Variants in SGIP1 observed in about 807,000 individuals in gnomAD.
The protein encoded by SGIP1 is SH3-containing GRB2-like protein 3-interacting protein 1.
SGIP1 carries 38 observed loss-of-function variants against 107.5 expected under a neutral mutation model. The observed-to-expected ratio is 0.35, with a 90% confidence interval of 0.27 to 0.46. The LOEUF (loss-of-function observed/expected upper bound fraction) is 0.46, where lower values mean the gene tolerates loss of function less well. Ranked by LOEUF, SGIP1 falls within the 20% of genes least tolerant of loss-of-function variation. The pLI, the probability that SGIP1 is intolerant of heterozygous loss-of-function variation, is 1.00. For synonymous variants in SGIP1, 365 were observed against 366.1 expected (o/e 1.00, Z 0.03); for missense variants, 929 against 1,019.5 (o/e 0.91, Z 1.21).
chr1:66,630,347 T>C (rs2073994326), intron 2 of SGIP1, among the ~76,000 whole-genome samples: 1 of 152,116 alleles, frequency 6.6e-6, no homozygotes, highest in African/African-American at 2.4e-5. Flanking sequence ...TTTCTTGCTG[T>C]TCCCAAAGGC....
chr1:66,618,063 T>A (rs1433778951), intron 1 of SGIP1, among the ~76,000 whole-genome samples: 1 of 152,218 alleles, frequency 6.6e-6, no homozygotes. Flanking sequence ...TAAATTGTGT[T>A]GAACTAAGAT....
chr1:66,568,300 A>G (rs2059927511), intron 1 of SGIP1, among the ~76,000 whole-genome samples: 1 of 151,804 alleles, frequency 6.6e-6, no homozygotes, highest in South Asian at 2.1e-4. Context: ...TTTGGCTCTC[A>G]GCTTTTCTAT....
intron 15 of SGIP1, among the ~76,000 whole-genome samples, chr1:66,683,735 G>A (rs145843286): frequency 3.0e-3 from 188 of 63,504 alleles, no homozygotes; most frequent in Middle Eastern, 0.018. Flanking sequence ...TTTTGACAAG[G>A]TCTTGCTCTG....
chr1:66,682,481 C>T (rs2086973251), intron 15 of SGIP1, 112 bp downstream of exon 15: 2 of 1,315,304 alleles, frequency 1.5e-6, no homozygotes, highest in Non-Finnish European at 1.0e-6. Context: ...TCAGCCCTCA[C>T]TCCTCTAGTC....
Position 66,743,268 on chromosome 1 carries a change from G to A in SGIP1, c.*173G>A. ...CCCTCACACACTACCATGATGACCAGTCCTACAGTATTTACTTCTAGGTGT... is the reference window on the plus strand; with the variant it reads ...CCCTCACACACTACCATGATGACCAATCCTACAGTATTTACTTCTAGGTGT... On this transcript the variant is annotated 3_prime_UTR_variant, in exon 25 of 25. Transcript: ENST00000371037. 1 of 570,100 alleles carries A rather than the reference G, an allele frequency of 1.8e-6. No homozygotes were observed. Among genetic ancestry groups the A allele is most frequent in the Non-Finnish European group, 3.1e-6 (1 of 322,348 alleles). The allele number at this position is 570,100 out of a possible 1,614,324, so 35.3% of individuals were successfully genotyped here.
At chr1:66,570,195 T>C (rs1458300435) in intron 1 of SGIP1, among the ~76,000 whole-genome samples, 1 of 151,912 alleles carries the variant, frequency 6.6e-6, no homozygotes. Context: ...TCTATTATTA[T>C]TTTTAATAGT....
intron 1 of SGIP1, among the ~76,000 whole-genome samples, chr1:66,597,788 G>A (rs748212915): frequency 6.6e-6 from 1 of 152,062 alleles, no homozygotes; most frequent in Non-Finnish European, 1.5e-5. Context: ...AAGTAAAAAG[G>A]ATTTTACGCA....
chr1:66,723,079 A>T (rs953972437), intron 19 of SGIP1, among the ~76,000 whole-genome samples: 12 of 152,150 alleles, frequency 7.9e-5, no homozygotes, highest in African/African-American at 2.9e-4. Context: ...ATGAAATGAC[A>T]CTCATATATT....
At chr1:66,618,010 C>T (rs1229825428) in intron 1 of SGIP1, among the ~76,000 whole-genome samples, 1 of 151,440 alleles carries the variant, frequency 6.6e-6, no homozygotes, top group Non-Finnish European at 1.5e-5. Flanking sequence ...AGGTGCTTCT[C>T]ATGCGCCATG....
intron 1 of SGIP1, among the ~76,000 whole-genome samples, chr1:66,591,957 C>A (rs183992228): frequency 7.1e-4 from 108 of 152,314 alleles, no homozygotes; most frequent in African/African-American, 2.4e-3. Context: ...TTGCCACCAG[C>A]ATGTCTCACC....
At chr1:66,655,510 ATTG>A (rs747417690) in intron 7 of SGIP1, among the ~76,000 whole-genome samples, 1 of 152,198 alleles carries the variant, frequency 6.6e-6, no homozygotes, top group African/African-American at 2.4e-5. Context: ...GTGTTGCTTA[ATTG>A]TTGTTAGGCA....
chr1:66,600,890 C>T (rs1284972926), intron 1 of SGIP1, among the ~76,000 whole-genome samples: 3 of 152,166 alleles, frequency 2.0e-5, no homozygotes, highest in African/African-American at 7.2e-5. Context: ...CAGGAAGGAT[C>T]TCTTGGGATG....
intron 1 of SGIP1, among the ~76,000 whole-genome samples, chr1:66,585,570 T>TTGTGTG (rs113981156): frequency 0.13 from 19,145 of 149,994 alleles, 1,693 homozygotes; most frequent in East Asian, 0.4. Flanking sequence ...GCTTTGGAGT[T>TTGTGTG]TGTGTGTGTG....
intron 19 of SGIP1, among the ~76,000 whole-genome samples, chr1:66,724,449 T>C (rs973828723): frequency 1.3e-5 from 2 of 152,238 alleles, no homozygotes; most frequent in East Asian, 1.9e-4. Context: ...AATTTTTATA[T>C]AGAAAATTTC....
chr1:66,653,308 T>G (rs1411694115), intron 7 of SGIP1, among the ~76,000 whole-genome samples: 1 of 152,078 alleles, frequency 6.6e-6, no homozygotes, highest in Non-Finnish European at 1.5e-5. Flanking sequence ...CATTACTGAT[T>G]TTTTTTTCCC....
chr1:66,709,052 G>A (rs369864679), intron 18 of SGIP1, among the ~76,000 whole-genome samples: 8 of 150,416 alleles, frequency 5.3e-5, no homozygotes, highest in Admixed American at 6.6e-5. Flanking sequence ...GGATACATGC[G>A]CAGAGTTCTG....
rs185613729 is a variant in SGIP1, at chr1:66,663,141, G to T, written c.471+2617G>T. 5.3e-5 allele frequency among the ~76,000 whole-genome samples: 8 copies of T among 152,062 alleles called. No homozygotes were observed. The South Asian group carries it at 8.3e-4, about 16-fold the overall frequency. On this transcript the variant is annotated intron_variant, in intron 8 of 24. Coordinates refer to ENST00000371037, the MANE Select transcript of SGIP1 (RefSeq NM_032291.4). ...GACTAAGCCCACATTCTCACGTGGC[G>T]CACATGGGGTGCACTGAACAGTGGC...
chr1:66,604,007 A>G (rs1158061941), intron 1 of SGIP1, among the ~76,000 whole-genome samples: 1 of 152,170 alleles, frequency 6.6e-6, no homozygotes, highest in Non-Finnish European at 1.5e-5. Flanking sequence ...AATTGATCAG[A>G]GAATAACAAC....
intron 9 of SGIP1, among the ~76,000 whole-genome samples, chr1:66,669,375 C>A (rs993562224): frequency 1.3e-5 from 2 of 152,174 alleles, no homozygotes; most frequent in African/African-American, 4.8e-5. Context: ...GTCTTCAATA[C>A]AACCTCTGGG....
Sources: gnomAD v4.1 joint callset for allele counts (sites outside exome capture counted in the v4.1 genomes callset) on GRCh38, gnomAD v4.1.1 for gene constraint, MANE v1.5 for transcripts, NCBI Gene and HGNC (gene_info 2026-07-23, HGNC 2026-07-21) for gene names.